The following FRMPD2 variants were observed in gnomAD, a reference collection of about 807,000 sequenced individuals.
The protein encoded by FRMPD2 is FERM and PDZ domain-containing protein 2.
FRMPD2 carries 96 observed loss-of-function variants against 140.1 expected under a neutral mutation model. The observed-to-expected ratio is 0.69, with a 90% CI of 0.58 to 0.81. The LOEUF is 0.81. Among genes scored for constraint, FRMPD2 ranks in the 40% least tolerant of loss-of-function variants. The pLI is 0.00. For missense variants in FRMPD2, 1,240 were observed against 1,447.4 expected (o/e 0.86, Z 2.32); for synonymous variants, 449 against 547.6 (o/e 0.82, Z 2.52).
At chr10:48,233,773 CT>C (rs1373762505) in intron 9 of FRMPD2, among the ~76,000 whole-genome samples, 1 of 152,162 alleles carries the variant, frequency 6.6e-6, no homozygotes, top group Non-Finnish European at 1.5e-5. Flanking sequence ...CTTGCCCAGC[CT>C]CCCCTGCCCC....
At chr10:48,240,581 C>A in intron 5 of FRMPD2, 89 bp from the exon 6 acceptor site, 1 of 1,556,160 alleles carries the variant, frequency 6.4e-7, no homozygotes. Context: ...CAGACTGAAT[C>A]AATGTGGAAT....
At chr10:48,196,478 C>G (rs1461654108) in intron 15 of FRMPD2, among the ~76,000 whole-genome samples, 1 of 152,236 alleles carries the variant, frequency 6.6e-6, no homozygotes, top group Non-Finnish European at 1.5e-5. Flanking sequence ...CCAGCTTTGA[C>G]ATCTCTCTCT....
Position 48,244,672 on chromosome 10 carries a change from C to G in FRMPD2, c.375+112G>C, listed in dbSNP as rs74798668. ...CAACGCCTGCCTAGGACCTAGAGGA[C>G]GGGAGAGTGGCATTATGTGTGCTCA... is the stretch of plus-strand genomic sequence containing the variant. On this transcript the variant is annotated intron_variant, in intron 4 of 28. Coordinates refer to ENST00000374201, the MANE Select transcript of FRMPD2 (RefSeq NM_001018071.4). The G allele has an allele frequency of 7.8e-3, 6,089 of 783,034 alleles. 200 individuals are homozygous for G. The highest frequency in any genetic ancestry group is 0.076 in the African/African-American group (4,472 of 58,508). 48.5% of individuals were successfully genotyped at this position (783,034 alleles called of 1,614,324 possible). A position where few individuals can be genotyped will look rare whatever the true frequency, so the allele number is the denominator to read the frequency against.
Position 48,232,286 on chromosome 10 carries a change from T to C in FRMPD2, c.997A>G (p.Lys333Glu), listed in dbSNP as rs144770940. 1.5e-3 allele frequency: 2,386 copies of C among 1,608,626 alleles called. 1 individual carries two copies. Among genetic ancestry groups the C allele is most frequent in the Middle Eastern group, 2.8e-3 (17 of 6,050 alleles). ...AGAGCCAAATAGGATTTCCCTTTTT[T>C]GGTCTGAAAACAACAACAGTATCAA... ...TLHLPGSVVT[K>E]KGKSYLALRD... is the part of the protein sequence containing the mutation. The change falls in exon 10 of 29, where the codon AAA (lysine) becomes GAA (glutamate). Residue 333 changes from lysine (K) to glutamate (E), a missense_variant. This residue lies in a region of FRMPD2 where 1,161 missense variants were observed against 1,055.9 expected (regional missense o/e 1.10). Coordinates refer to ENST00000374201, the MANE Select transcript of FRMPD2 (RefSeq NM_001018071.4).
chr10:48,192,640 G>T, intron 16 of FRMPD2, 44 bp downstream of exon 16: 1 of 1,505,844 alleles, frequency 6.6e-7, no homozygotes, highest in African/African-American at 1.4e-5. Context: ...AAACCATCAA[G>T]CACATGGTGG....
chr10:48,205,247 A>G (rs1328292834), intron 14 of FRMPD2, among the ~76,000 whole-genome samples: 1 of 152,252 alleles, frequency 6.6e-6, no homozygotes, highest in Non-Finnish European at 1.5e-5. Context: ...GAGAATGGAA[A>G]CCCTGATTAA....
At chr10:48,240,327 C>T (rs1410511140) in intron 6 of FRMPD2, 33 bp downstream of exon 6, 3 of 1,600,858 alleles carry the variant, frequency 1.9e-6, no homozygotes, top group Admixed American at 1.7e-5. Context: ...GTACCATCAG[C>T]CCACGCAGGG....
At chr10:48,208,812 T>G (rs577053682) in intron 13 of FRMPD2, among the ~76,000 whole-genome samples, 2 of 152,334 alleles carry the variant, frequency 1.3e-5, no homozygotes, top group Admixed American at 1.3e-4. Context: ...CTACAAGGCC[T>G]GTCTTCCTTA....
At chr10:48,201,599 T>G (rs1839088438) in intron 14 of FRMPD2, 2 of 449,486 alleles carry the variant, frequency 4.4e-6, no homozygotes, top group Non-Finnish European at 8.0e-6. Context: ...TCAAATTGTT[T>G]ATCAAACAAT....
At chr10:48,222,033 G>C (rs1455011417) in intron 12 of FRMPD2, among the ~76,000 whole-genome samples, 1 of 150,668 alleles carries the variant, frequency 6.6e-6, no homozygotes, top group Non-Finnish European at 1.5e-5. Flanking sequence ...TAGATGGATG[G>C]ATATATGAAT....
intron 13 of FRMPD2, among the ~76,000 whole-genome samples, chr10:48,210,977 C>T (rs1839306032): frequency 1.3e-5 from 2 of 152,264 alleles, no homozygotes; most frequent in Admixed American, 1.3e-4. Flanking sequence ...AGTGTCCTCG[C>T]ACTTATCCCC....
chr10:48,158,329 C>CT (rs1315143239), intron 28 of FRMPD2, among the ~76,000 whole-genome samples: 1 of 148,978 alleles, frequency 6.7e-6, no homozygotes, highest in Admixed American at 6.7e-5. Flanking sequence ...TCAGGCTGCC[C>CT]TTGGAGATTT....
intron 28 of FRMPD2, among the ~76,000 whole-genome samples, chr10:48,161,286 A>G (rs1283530323): frequency 1.3e-5 from 2 of 150,660 alleles, no homozygotes; most frequent in East Asian, 2.0e-4. Flanking sequence ...AGTCCCTCCA[A>G]GAATGACAGA....
chr10:48,217,314 T>G (rs550157101), intron 12 of FRMPD2, among the ~76,000 whole-genome samples: 12 of 152,316 alleles, frequency 7.9e-5, no homozygotes, highest in African/African-American at 2.9e-4. Context: ...GTGTTTTCTA[T>G]GCTAATGACC....
intron 1 of FRMPD2, among the ~76,000 whole-genome samples, chr10:48,260,151 A>G (rs995517322): frequency 1.3e-5 from 2 of 152,030 alleles, no homozygotes; most frequent in Non-Finnish European, 2.9e-5. Flanking sequence ...CTAAGAATAG[A>G]TAGATAGATT....
chr10:48,232,075 A>G lies in FRMPD2; in HGVS notation c.1168+40T>C, dbSNP rs764731031. 39 of 1,601,108 alleles carry G rather than the reference A, an allele frequency of 2.4e-5. No homozygotes were observed. The Admixed American group carries it at 4.3e-4, about 18-fold the overall frequency. On this transcript the variant is annotated intron_variant, in intron 10 of 28. Transcript: ENST00000374201. ...GGTACCCAGATACCTGGGTTACCAG[A>G]GGCACCAGGCCAGCTGTGAGCTGCC...
intron 5 of FRMPD2, among the ~76,000 whole-genome samples, chr10:48,240,926 G>A (rs1271030217): frequency 6.6e-6 from 1 of 152,184 alleles, no homozygotes; most frequent in East Asian, 1.9e-4. Flanking sequence ...ACATCTCTGT[G>A]TGCTTTATGC....
At chr10:48,180,223 G>C (rs1367850819) in intron 21 of FRMPD2, among the ~76,000 whole-genome samples, 2 of 152,224 alleles carry the variant, frequency 1.3e-5, no homozygotes, top group Non-Finnish European at 2.9e-5. Flanking sequence ...AGCACCAGCT[G>C]TGCAGGGCCC....
At chr10:48,253,901 G>A (rs1185501598) in intron 1 of FRMPD2, among the ~76,000 whole-genome samples, 3 of 152,062 alleles carry the variant, frequency 2.0e-5, no homozygotes, top group Admixed American at 6.5e-5. Context: ...TAACTGATCG[G>A]GTTTGCCAAT....
Sources: allele counts gnomAD v4.1 joint callset (sites outside exome capture counted in the v4.1 genomes callset), GRCh38; gene constraint gnomAD v4.1.1; regional missense constraint gnomAD v4.1.1; transcripts MANE v1.5; gene names NCBI Gene and HGNC (gene_info 2026-07-23, HGNC 2026-07-21).